PRDM16: variants seen among roughly 807,000 people sequenced by gnomAD.
The protein encoded by PRDM16 is histone-lysine N-methyltransferase PRDM16.
Under a neutral mutation model 110.6 loss-of-function variants are expected in PRDM16, and 23 were observed. The observed-to-expected ratio is 0.21, with a 90% CI of 0.15 to 0.29. The LOEUF is 0.29. Among genes scored for constraint, PRDM16 ranks in the 10% least tolerant of loss-of-function variants. The probability of loss-of-function intolerance (pLI) is 1.00; values close to 1 mark genes in which losing one functional copy is unlikely to be tolerated. For missense variants in PRDM16, 1,615 were observed against 1,794.3 expected (o/e 0.90, Z 1.81); for synonymous variants, 799 against 781.8 (o/e 1.02, Z -0.37).
chr1:3,074,570 C>G (rs576297627), intron 1 of PRDM16, among the ~76,000 whole-genome samples: 4 of 151,226 alleles, frequency 2.6e-5, no homozygotes, highest in Non-Finnish European at 5.9e-5. Flanking sequence ...GCTGGACTCC[C>G]GCTGGGCTCC....
intron 12 of PRDM16, among the ~76,000 whole-genome samples, chr1:3,420,806 T>C (rs74883514): frequency 3.9e-5 from 6 of 152,014 alleles, no homozygotes; most frequent in Non-Finnish European, 8.8e-5. Context: ...AGCATGAAAA[T>C]TGAACTGGGA....
At chr1:3,215,926 C>A (rs980789919) in intron 2 of PRDM16, among the ~76,000 whole-genome samples, 1 of 152,094 alleles carries the variant, frequency 6.6e-6, no homozygotes, top group African/African-American at 2.4e-5. Flanking sequence ...GCCTATGCAG[C>A]ACATAAAAGA....
intron 1 of PRDM16, among the ~76,000 whole-genome samples, chr1:3,090,359 C>T (rs565084190): frequency 6.6e-6 from 1 of 152,240 alleles, no homozygotes; most frequent in Non-Finnish European, 1.5e-5. Flanking sequence ...GAGCTGGTCT[C>T]GTGAGAAGCG....
Position 3,433,900 on chromosome 1 carries a change from T to A in PRDM16, c.*89T>A. ...GCGGGGCCCCGGAGAACCCTGTCCCTGCGTGTGGCCACTCCTCAGCATCCT... is the reference window on the plus strand; with the variant it reads ...GCGGGGCCCCGGAGAACCCTGTCCCAGCGTGTGGCCACTCCTCAGCATCCT... On this transcript the variant is annotated 3_prime_UTR_variant, in exon 17 of 17. Transcript: ENST00000270722. 1 of 1,367,164 alleles carries A rather than the reference T, an allele frequency of 7.3e-7. No individual in the cohort carries two copies. Among genetic ancestry groups the A allele is most frequent in the Non-Finnish European group, 1.0e-6 (1 of 995,746 alleles). The allele number at this position is 1,367,164 out of a possible 1,614,324, so 84.7% of individuals were successfully genotyped here.
chr1:3,074,867 G>A (rs995672208), intron 1 of PRDM16, among the ~76,000 whole-genome samples: 1 of 152,254 alleles, frequency 6.6e-6, no homozygotes, highest in Non-Finnish European at 1.5e-5. Flanking sequence ...TGAGCTGCAG[G>A]GTGGAAGGGG....
chr1:3,110,046 G>A (rs1440166559), intron 1 of PRDM16, among the ~76,000 whole-genome samples: 2 of 150,856 alleles, frequency 1.3e-5, no homozygotes, highest in Non-Finnish European at 3.0e-5. Flanking sequence ...CCTGGGTATG[G>A]GGACACAGTG....
rs879837688 is a variant in PRDM16 at position 3,433,530 on chromosome 1, CTGGGATGG to C, written c.3697-146_3697-139del. The C allele has an allele frequency of 0.17, 96,609 of 563,682 alleles. 12,589 individuals are homozygous for C. Among genetic ancestry groups the C allele is most frequent in the African/African-American group, 0.3 (15,342 of 51,038 alleles). 34.9% of individuals were successfully genotyped at this position (563,682 alleles called of 1,614,324 possible). On this transcript the variant is annotated intron_variant, in intron 16 of 16. Coordinates refer to ENST00000270722, the MANE Select transcript of PRDM16 (RefSeq NM_022114.4). The stretch of plus-strand genomic sequence containing the variant: ...CCTGCCCACGCGCTCACCTGCCTGT[CTGGGATGG>C]CCCGCCCTGCCCACGCGCTCACCTG...
At chr1:3,395,478 C>T (rs981379332) in intron 4 of PRDM16, among the ~76,000 whole-genome samples, 2 of 152,186 alleles carry the variant, frequency 1.3e-5, no homozygotes, top group Non-Finnish European at 2.9e-5. Flanking sequence ...AGCCAGTCCT[C>T]CGGCCAGGCC....
At chr1:3,178,400 C>T (rs1644113751) in intron 1 of PRDM16, among the ~76,000 whole-genome samples, 1 of 152,126 alleles carries the variant, frequency 6.6e-6, no homozygotes, top group African/African-American at 2.4e-5. Context: ...CCGAGCTCTG[C>T]GGAGAGGTGG....
intron 3 of PRDM16, among the ~76,000 whole-genome samples, chr1:3,349,860 C>T (rs926854161): frequency 2.6e-5 from 4 of 152,198 alleles, no homozygotes; most frequent in African/African-American, 9.7e-5. Context: ...CCGCAGCCCC[C>T]GCAGCCTCCA....
intron 3 of PRDM16, among the ~76,000 whole-genome samples, chr1:3,354,349 ACTCAGGAGG>A (rs949543000): frequency 1.3e-4 from 20 of 151,410 alleles, no homozygotes; most frequent in Admixed American, 1.3e-3. Context: ...AATCTCAGCT[ACTCAGGAGG>A]CTGAGGCAGG....
intron 1 of PRDM16, among the ~76,000 whole-genome samples, chr1:3,106,001 C>G (rs1233395972): frequency 6.6e-6 from 1 of 152,262 alleles, no homozygotes; most frequent in African/African-American, 2.4e-5. Flanking sequence ...AAGCTCTGCC[C>G]TGTCCTCCAG....
chr1:3,186,578 G>A, intron 2 of PRDM16, 104 bp downstream of exon 2: 2 of 690,182 alleles, frequency 2.9e-6, no homozygotes, highest in Non-Finnish European at 4.7e-6. Flanking sequence ...GGGAGGCGCG[G>A]CCAGAGAGAG....
chr1:3,224,166 G>A (rs1448126697), intron 2 of PRDM16, among the ~76,000 whole-genome samples: 5 of 152,164 alleles, frequency 3.3e-5, no homozygotes, highest in African/African-American at 1.2e-4. Context: ...TATCTTTGGG[G>A]CTGGGGACAG....
At chr1:3,155,384 T>C (rs1283272576) in intron 1 of PRDM16, among the ~76,000 whole-genome samples, 2 of 152,236 alleles carry the variant, frequency 1.3e-5, no homozygotes, top group African/African-American at 4.8e-5. Flanking sequence ...CCGCGAGGAC[T>C]TGGGTTCGGG....
At chr1:3,416,029 G>C (rs2100672665) in intron 10 of PRDM16, among the ~76,000 whole-genome samples, 2 of 152,328 alleles carry the variant, frequency 1.3e-5, no homozygotes, top group Admixed American at 1.3e-4. Flanking sequence ...ATCAGGATGA[G>C]AGCATGCCTG....
chr1:3,391,402 G>C (rs552964148), intron 4 of PRDM16, among the ~76,000 whole-genome samples: 3 of 152,228 alleles, frequency 2.0e-5, no homozygotes, highest in East Asian at 3.9e-4. Context: ...CGTCTGAACC[G>C]CTACGCAAAC....
chr1:3,266,585 C>T (rs963546007), intron 3 of PRDM16, among the ~76,000 whole-genome samples: 53 of 152,350 alleles, frequency 3.5e-4, no homozygotes, highest in Non-Finnish European at 7.2e-4. Context: ...GATCTCAGAC[C>T]CGCTTGTCTC....
At chr1:3,288,372 C>T (rs1359637867) in intron 3 of PRDM16, among the ~76,000 whole-genome samples, 25 of 152,204 alleles carry the variant, frequency 1.6e-4, no homozygotes, top group Non-Finnish European at 7.3e-5. Flanking sequence ...CTGTCTCTCT[C>T]CACCTCAGTT....
Sources: gnomAD v4.1 joint callset for allele counts (sites outside exome capture counted in the v4.1 genomes callset) on GRCh38, gnomAD v4.1.1 for gene constraint, MANE v1.5 for transcripts, NCBI Gene and HGNC (gene_info 2026-07-23, HGNC 2026-07-21) for gene names.